SSBP2: variants seen among roughly 807,000 people sequenced by gnomAD.
The protein encoded by SSBP2 is single stranded DNA binding protein 2, also known as single-stranded DNA-binding protein 2.
A neutral mutation model predicts 61.8 loss-of-function variants in SSBP2; 17 were observed. That is an observed-to-expected ratio of 0.28 (90% CI 0.19 to 0.41). The LOEUF is 0.41. Among genes scored for constraint, SSBP2 ranks in the 10% least tolerant of loss-of-function variants. The pLI is 1.00. For missense variants in SSBP2, 310 were observed against 458.7 expected (o/e 0.68, Z 2.96); for synonymous variants, 139 against 141.3 (o/e 0.98, Z 0.12).
rs1761225421 is a variant in SSBP2, at chr5:81,414,143, G to T, written c.*6361C>A. The stretch of plus-strand genomic sequence containing the variant: ...ACAGATCACAACATTTTAATGACTG[G>T]GATAAGCAAAATGAGTCCAACCTTT... On this transcript the variant is annotated 3_prime_UTR_variant, in exon 17 of 17. Coordinates refer to ENST00000320672, the MANE Select transcript of SSBP2 (RefSeq NM_012446.5). The T allele has an allele frequency of 6.6e-6, 1 of 151,982 alleles. No individual in the cohort carries two copies. Among genetic ancestry groups the T allele is most frequent in the South Asian group, 2.1e-4 (1 of 4,812 alleles). 9.4% of individuals were successfully genotyped at this position (151,982 alleles called of 1,614,324 possible).
chr5:81,415,392 C>T lies in SSBP2; in HGVS notation c.*5112G>A, dbSNP rs1443485467. ...GCATAGTATAACCTATGCACATCCT[C>T]CAATATACTTCAAATCATCTCGTTT... On this transcript the variant is annotated 3_prime_UTR_variant, in exon 17 of 17. Coordinates refer to ENST00000320672, the MANE Select transcript of SSBP2 (RefSeq NM_012446.5). 6.6e-6 allele frequency: 1 copy of T among 152,188 alleles called. No individual in the cohort carries two copies. Among genetic ancestry groups the T allele is most frequent in the Non-Finnish European group, 1.5e-5 (1 of 68,044 alleles). 9.4% of individuals were successfully genotyped at this position (152,188 alleles called of 1,614,324 possible). A position where few individuals can be genotyped will look rare whatever the true frequency, so the allele number is the denominator to read the frequency against.
chr5:81,594,377 C>T (rs1743480136), intron 4 of SSBP2, among the ~76,000 whole-genome samples: 2 of 152,052 alleles, frequency 1.3e-5, no homozygotes, highest in Admixed American at 6.6e-5. Context: ...ACTTAGACTC[C>T]CACACAATAA....
chr5:81,492,547 C>T (rs1402442186), intron 5 of SSBP2, among the ~76,000 whole-genome samples: 1 of 151,780 alleles, frequency 6.6e-6, no homozygotes, highest in Admixed American at 6.6e-5. Context: ...GAGTGTTTGG[C>T]TCTTAAAATG....
chr5:81,602,628 T>C (rs1744478596), intron 4 of SSBP2, among the ~76,000 whole-genome samples: 1 of 152,188 alleles, frequency 6.6e-6, no homozygotes, highest in African/African-American at 2.4e-5. Context: ...TGGTCTGCAT[T>C]TGACCTTTGC....
chr5:81,534,706 G>C (rs991915810), intron 4 of SSBP2, among the ~76,000 whole-genome samples: 1 of 151,908 alleles, frequency 6.6e-6, no homozygotes. Flanking sequence ...GAATATCCAA[G>C]AACTGTGGAA....
At chr5:81,538,594 T>G (rs1770999259) in intron 4 of SSBP2, among the ~76,000 whole-genome samples, 1 of 152,214 alleles carries the variant, frequency 6.6e-6, no homozygotes, top group Non-Finnish European at 1.5e-5. Context: ...CAATGCATGC[T>G]TTCAAATATT....
Position 81,658,521 on chromosome 5 carries a change from T to C in SSBP2, c.63-8182A>G, listed in dbSNP as rs996690513. The stretch of plus-strand genomic sequence containing the variant: ...TAGATTACTCTACTACCCAGTACAA[T>C]GTAAATGCTATACAGTTATACTTTT... On this transcript the variant is annotated intron_variant, in intron 1 of 16. Coordinates refer to ENST00000320672, the MANE Select transcript of SSBP2 (RefSeq NM_012446.5). Among the ~76,000 whole-genome samples the C allele has an allele frequency of 3.6e-4, 55 of 152,212 alleles. 1 individual carries two copies. The highest frequency in any genetic ancestry group is 1.5e-5 in the Non-Finnish European group (1 of 68,044).
chr5:81,550,462 AATTTT>A (rs1772086930), intron 4 of SSBP2, among the ~76,000 whole-genome samples: 1 of 152,240 alleles, frequency 6.6e-6, no homozygotes, highest in Non-Finnish European at 1.5e-5. Flanking sequence ...TTACCAAAGT[AATTTT>A]ATTAATGAGA....
chr5:81,553,574 G>C (rs1473073609), intron 4 of SSBP2, among the ~76,000 whole-genome samples: 1 of 151,910 alleles, frequency 6.6e-6, no homozygotes, highest in African/African-American at 2.4e-5. Flanking sequence ...TTTATAACCA[G>C]AATAATTCTC....
chr5:81,460,988 G>GT (rs1764498631), intron 10 of SSBP2, 67 bp downstream of exon 10: 3 of 1,017,222 alleles, frequency 2.9e-6, no homozygotes, highest in African/African-American at 1.7e-5. Context: ...AAAGCAAAAT[G>GT]TTTTTGTGAT....
chr5:81,606,583 A>G (rs13173845), intron 4 of SSBP2, among the ~76,000 whole-genome samples: 24,767 of 152,214 alleles, frequency 0.16, 2,223 homozygotes, highest in Non-Finnish European at 0.21. Flanking sequence ...GACTCTCCCC[A>G]TAACTTCCTA....
At chr5:81,495,566 C>T (rs181046908) in intron 5 of SSBP2, among the ~76,000 whole-genome samples, 2 of 152,272 alleles carry the variant, frequency 1.3e-5, no homozygotes, top group Admixed American at 1.3e-4. Flanking sequence ...TACCACTTAT[C>T]ATAGAGGATT....
intron 1 of SSBP2, among the ~76,000 whole-genome samples, chr5:81,661,924 T>G (rs1750729776): frequency 6.6e-6 from 1 of 152,250 alleles, no homozygotes; most frequent in Non-Finnish European, 1.5e-5. Context: ...AAAAGCAATG[T>G]TGTGAAGCTT....
intron 5 of SSBP2, among the ~76,000 whole-genome samples, chr5:81,491,837 T>C (rs1296761817): frequency 1.3e-5 from 2 of 152,220 alleles, no homozygotes; most frequent in Non-Finnish European, 2.9e-5. Context: ...ATAAGATTAC[T>C]ATGGTTAAAG....
intron 1 of SSBP2, among the ~76,000 whole-genome samples, chr5:81,747,030 G>T (rs909291980): frequency 1.4e-5 from 2 of 138,396 alleles, no homozygotes; most frequent in East Asian, 4.9e-4. Flanking sequence ...CCTGGGGGGG[G>T]GGGGAATCTG....
chr5:81,701,760 C>A (rs550420517), intron 1 of SSBP2, among the ~76,000 whole-genome samples: 1 of 152,276 alleles, frequency 6.6e-6, no homozygotes, highest in African/African-American at 2.4e-5. Context: ...CCTAAAGAAA[C>A]TCCTGGACTG....
At chr5:81,662,546 G>A (rs541081103) in intron 1 of SSBP2, among the ~76,000 whole-genome samples, 37 of 151,942 alleles carry the variant, frequency 2.4e-4, no homozygotes, top group Non-Finnish European at 4.3e-4. Flanking sequence ...GCTCACACCT[G>A]TAATCCCAAC....
intron 5 of SSBP2, among the ~76,000 whole-genome samples, chr5:81,495,935 CTA>C (rs973300632): frequency 6.6e-6 from 1 of 152,034 alleles, no homozygotes; most frequent in African/African-American, 2.4e-5. Context: ...TTTCTATATT[CTA>C]TCTTTTATTT....
chr5:81,417,644 T>C lies in SSBP2; in HGVS notation c.*2860A>G, dbSNP rs1761367450. 6.6e-6 allele frequency: 1 copy of C among 152,152 alleles called. No homozygotes were observed. The highest frequency in any genetic ancestry group is 1.5e-5 in the Non-Finnish European group (1 of 68,012). 9.4% of individuals were successfully genotyped at this position (152,152 alleles called of 1,614,324 possible). ...TATTACAAGAAAAAAGGATAAGGGT[T>C]AAATGATTCAAAATCTAAACAAAAA... On this transcript the variant is annotated 3_prime_UTR_variant, in exon 17 of 17. Coordinates refer to ENST00000320672, the MANE Select transcript of SSBP2 (RefSeq NM_012446.5).
Sources: allele counts gnomAD v4.1 joint callset (sites outside exome capture counted in the v4.1 genomes callset), GRCh38; gene constraint gnomAD v4.1.1; transcripts MANE v1.5; gene names NCBI Gene and HGNC (gene_info 2026-07-23, HGNC 2026-07-21).